CFAP61: variants seen among roughly 807,000 people sequenced by gnomAD.
CFAP61 encodes cilia and flagella associated protein 61, also known as cilia- and flagella-associated protein 61.
Under a neutral mutation model 135.6 loss-of-function variants are expected in CFAP61, and 107 were observed. That is an observed-to-expected ratio of 0.79 (90% CI 0.67 to 0.93). CFAP61 has a LOEUF of 0.93. CFAP61 is among the 40% of genes least tolerant of loss of function. The probability of loss-of-function intolerance (pLI) is 0.00; values close to 1 mark genes in which losing one functional copy is unlikely to be tolerated. For missense variants in CFAP61, 1,507 were observed against 1,556.2 expected, an observed-to-expected ratio of 0.97 and a Z score of 0.53; for synonymous variants, 575 against 578.5, an observed-to-expected ratio of 0.99 and a Z score of 0.09.
intron 8 of CFAP61, among the ~76,000 whole-genome samples, chr20:20,140,617 G>T (rs2051310533): frequency 6.6e-6 from 1 of 152,074 alleles, no homozygotes; most frequent in South Asian, 2.1e-4. Context: ...CTGTTGATGG[G>T]ACTATAAACT....
At chr20:20,357,586 A>G (rs369097386) in intron 26 of CFAP61, among the ~76,000 whole-genome samples, 24 of 5,876 alleles carry the variant, frequency 4.1e-3, no homozygotes, top group African/African-American at 0.012. Context: ...GAGTGGAGGT[A>G]GTCACACTGT....
chr20:20,273,954 T>C (rs1238626397), intron 21 of CFAP61, among the ~76,000 whole-genome samples: 2 of 152,324 alleles, frequency 1.3e-5, no homozygotes, highest in South Asian at 2.1e-4. Context: ...CTCTGATAAA[T>C]GTAAGTAATC....
rs1316954408 is a variant in CFAP61 at position 20,056,629 on chromosome 20, C to T, written c.-25C>T. The T allele has an allele frequency of 6.2e-7, 1 of 1,607,408 alleles. No homozygotes were observed. Among genetic ancestry groups the T allele is most frequent in the African/African-American group, 1.3e-5 (1 of 74,386 alleles). On this transcript the variant is annotated 5_prime_UTR_variant, in exon 2 of 27. Coordinates refer to ENST00000245957, the MANE Select transcript of CFAP61 (RefSeq NM_015585.4). ...TATCAGATTAATAGTGGACTTTTTTCTCTCTTTTGGGGACAGGATAAAAAA... is the reference window on the plus strand; with the variant it reads ...TATCAGATTAATAGTGGACTTTTTTTTCTCTTTTGGGGACAGGATAAAAAA...
rs75391848 is a variant in CFAP61 at position 20,321,560 on chromosome 20, G to T, written c.3423-20271G>T. The stretch of plus-strand genomic sequence containing the variant: ...AGGACAAAGGGCAGAGATAAGACTA[G>T]GTTTTGGGAAGGAACCACAGCAGGA... On this transcript the variant is annotated intron_variant, in intron 25 of 26. Coordinates refer to ENST00000245957, the MANE Select transcript of CFAP61 (RefSeq NM_015585.4). Among the ~76,000 whole-genome samples the T allele has an allele frequency of 2.1e-3, 325 of 152,316 alleles. 3 individuals are homozygous for T. In the East Asian group the frequency reaches 0.026, roughly 12 times the overall value.
chr20:20,161,267 G>A (rs2053380891), intron 10 of CFAP61, among the ~76,000 whole-genome samples: 1 of 152,142 alleles, frequency 6.6e-6, no homozygotes, highest in African/African-American at 2.4e-5. Context: ...GGGACAGGAT[G>A]CCTGCCCCCA....
intron 22 of CFAP61, among the ~76,000 whole-genome samples, chr20:20,284,410 C>A (rs111300267): frequency 7.8e-4 from 118 of 152,110 alleles, no homozygotes; most frequent in African/African-American, 2.8e-3. Flanking sequence ...CTCAGCTTCC[C>A]GAGTAGCTGG....
At chr20:20,245,589 G>T (rs2050384515) in intron 18 of CFAP61, among the ~76,000 whole-genome samples, 1 of 152,164 alleles carries the variant, frequency 6.6e-6, no homozygotes, top group African/African-American at 2.4e-5. Context: ...TTTGAGTGGG[G>T]ACACAGAGCC....
chr20:20,102,247 A>G (rs2048079122), intron 8 of CFAP61, among the ~76,000 whole-genome samples: 1 of 152,218 alleles, frequency 6.6e-6, no homozygotes, highest in South Asian at 2.1e-4. Flanking sequence ...CTTTAACTTA[A>G]GATTTGCCTC....
intron 18 of CFAP61, among the ~76,000 whole-genome samples, chr20:20,231,634 AG>A (rs2146952644): frequency 6.6e-6 from 1 of 152,046 alleles, no homozygotes; most frequent in East Asian, 1.9e-4. Flanking sequence ...CTCTGAGGGG[AG>A]CCCAGGAGGA....
chr20:20,290,225 G>A, intron 23 of CFAP61, 75 bp from the exon 24 acceptor site: 2 of 933,712 alleles, frequency 2.1e-6, no homozygotes, highest in South Asian at 1.3e-5. Context: ...TGTTTGTCCT[G>A]TGATGAAAAT....
intron 16 of CFAP61, among the ~76,000 whole-genome samples, chr20:20,197,275 T>G (rs1211508489): frequency 1.3e-5 from 2 of 152,230 alleles, no homozygotes; most frequent in African/African-American, 4.8e-5. Context: ...GATGCCGATG[T>G]AACCCCATGT....
chr20:20,243,129 CT>C (rs1345160601), intron 18 of CFAP61, among the ~76,000 whole-genome samples: 369 of 152,334 alleles, frequency 2.4e-3, no homozygotes, highest in Middle Eastern at 6.8e-3. Context: ...GGAGGAACAA[CT>C]CATGTCTTAC....
intron 25 of CFAP61, among the ~76,000 whole-genome samples, chr20:20,337,876 G>A (rs1051794829): frequency 6.6e-6 from 1 of 152,152 alleles, no homozygotes; most frequent in African/African-American, 2.4e-5. Flanking sequence ...AGACTGGTGG[G>A]AAAGCAAGGA....
At chr20:20,178,206 ACTACAGGC>A (rs11468432) in intron 13 of CFAP61, among the ~76,000 whole-genome samples, 4,789 of 152,222 alleles carry the variant, frequency 0.031, 188 homozygotes, top group African/African-American at 0.09. Context: ...TTGTTTAGTG[ACTACAGGC>A]CTTTGAGATG....
At chr20:20,281,737 T>C (rs2054208609) in intron 22 of CFAP61, among the ~76,000 whole-genome samples, 1 of 152,190 alleles carries the variant, frequency 6.6e-6, no homozygotes, top group Non-Finnish European at 1.5e-5. Flanking sequence ...AGTAATGTCC[T>C]TGTAAGGTTT....
intron 18 of CFAP61, among the ~76,000 whole-genome samples, chr20:20,244,162 G>T (rs551744103): frequency 6.6e-6 from 1 of 152,168 alleles, no homozygotes; most frequent in Non-Finnish European, 1.5e-5. Context: ...TACAGTGCAA[G>T]CTGCTGGTAG....
At chr20:20,340,284 A>G (rs1456022355) in intron 25 of CFAP61, among the ~76,000 whole-genome samples, 1 of 152,216 alleles carries the variant, frequency 6.6e-6, no homozygotes, top group East Asian at 1.9e-4. Flanking sequence ...TTTTACAAAA[A>G]TTGCTACACA....
intron 20 of CFAP61, among the ~76,000 whole-genome samples, chr20:20,257,833 C>A (rs1435025336): frequency 6.6e-6 from 1 of 152,002 alleles, no homozygotes; most frequent in Non-Finnish European, 1.5e-5. Context: ...AGGGAGGTGG[C>A]AAGGGAGGAA....
At chr20:20,201,492 A>G (rs755570372) in intron 17 of CFAP61, among the ~76,000 whole-genome samples, 1 of 152,178 alleles carries the variant, frequency 6.6e-6, no homozygotes, top group Non-Finnish European at 1.5e-5. Context: ...AGCACTGGAG[A>G]TGAGACGTGC....
Sources: allele counts gnomAD v4.1 joint callset (sites outside exome capture counted in the v4.1 genomes callset), GRCh38; gene constraint gnomAD v4.1.1; transcripts MANE v1.5; gene names NCBI Gene and HGNC (gene_info 2026-07-23, HGNC 2026-07-21).